Variants in EPHB1 observed in about 807,000 individuals in gnomAD.
EPHB1 encodes EPH receptor B1, also known as ephrin type-B receptor 1.
A neutral mutation model predicts 94.4 loss-of-function variants in EPHB1; 30 were observed. The ratio of observed to expected loss-of-function variants is 0.32; its 90% CI spans 0.24 to 0.43. The LOEUF (loss-of-function observed/expected upper bound fraction) is 0.43, where lower values mean the gene tolerates loss of function less well. Ranked by LOEUF, EPHB1 falls within the 20% of genes least tolerant of loss-of-function variation. EPHB1 has a pLI of 1.00. For synonymous variants in EPHB1, 522 were observed against 489.1 expected (o/e 1.07, Z -0.89); for missense variants, 1,055 against 1,308.3 (o/e 0.81, Z 2.99).
At chr3:135,242,164 C>G (rs1305390456) in intron 13 of EPHB1, among the ~76,000 whole-genome samples, 1 of 152,168 alleles carries the variant, frequency 6.6e-6, no homozygotes, top group Non-Finnish European at 1.5e-5. Context: ...GGGACCAGGC[C>G]TCTTTTGTGT....
intron 4 of EPHB1, among the ~76,000 whole-genome samples, chr3:135,131,364 T>C (rs1333478237): frequency 1.3e-5 from 2 of 152,210 alleles, no homozygotes; most frequent in Non-Finnish European, 2.9e-5. Flanking sequence ...CTTATTGTTA[T>C]TCCCTCATTT....
At chr3:134,972,905 G>T (rs756994022) in intron 3 of EPHB1, among the ~76,000 whole-genome samples, 19 of 152,184 alleles carry the variant, frequency 1.2e-4, no homozygotes, top group Non-Finnish European at 2.4e-4. Context: ...TTTGGACCTA[G>T]AGTCTGGGTG....
At chr3:135,137,895 T>C (rs1038350170) in intron 5 of EPHB1, among the ~76,000 whole-genome samples, 2 of 152,236 alleles carry the variant, frequency 1.3e-5, no homozygotes, top group Non-Finnish European at 2.9e-5. Context: ...ATAACAGATA[T>C]TGGTTTCTCC....
At chr3:134,882,677 CTTCT>C (rs2037758230) in intron 1 of EPHB1, among the ~76,000 whole-genome samples, 1 of 147,418 alleles carries the variant, frequency 6.8e-6, no homozygotes, top group Admixed American at 6.8e-5. Context: ...TCCTTCCTTC[CTTCT>C]TTCCTTCTTC....
intron 1 of EPHB1, among the ~76,000 whole-genome samples, chr3:134,917,758 C>A (rs2038603694): frequency 1.3e-5 from 2 of 152,264 alleles, no homozygotes; most frequent in African/African-American, 4.8e-5. Context: ...TGTTTCTTCT[C>A]TTCCTCACTG....
chr3:134,860,513 A>G (rs2037231029), intron 1 of EPHB1, among the ~76,000 whole-genome samples: 1 of 152,064 alleles, frequency 6.6e-6, no homozygotes, highest in African/African-American at 2.4e-5. Flanking sequence ...TCCACTTTAC[A>G]CTTTAAAAAA....
Position 135,248,313 on chromosome 3 carries a change from C to T in EPHB1, c.2497-3C>T. 1.9e-6 allele frequency: 3 copies of T among 1,577,768 alleles called. No individual in the cohort carries two copies. The South Asian group carries it at 3.4e-5, about 18-fold the overall frequency. ...CACACCTGTTCCCTGTATGTCACTG[C>T]AGGTCATCAATGCCATCGAGCAGGA... On this transcript the variant is annotated splice_region_variant and splice_polypyrimidine_tract_variant and intron_variant, in intron 13 of 15. Coordinates refer to ENST00000398015, the MANE Select transcript of EPHB1 (RefSeq NM_004441.5).
rs75018119 is a variant in EPHB1 at position 134,891,915 on chromosome 3, C to G, written c.59-33901C>G. Among the ~76,000 whole-genome samples the G allele has an allele frequency of 3.4e-4, 52 of 152,306 alleles. 2 individuals carry two copies. In the East Asian group the frequency reaches 9.7e-3, roughly 28 times the overall value. On this transcript the variant is annotated intron_variant, in intron 1 of 15. Transcript: ENST00000398015. ...GCCATGTTAGATAGGAGGGAGTTTA[C>G]TCAGATTCCTTGGGAATGACCATAG...
chr3:134,850,903 G>T (rs2036968247), intron 1 of EPHB1, among the ~76,000 whole-genome samples: 2 of 152,252 alleles, frequency 1.3e-5, no homozygotes, highest in African/African-American at 4.8e-5. Context: ...GAGCCAGGGG[G>T]GCATTCATCT....
chr3:134,946,741 A>T (rs977750266), intron 2 of EPHB1, among the ~76,000 whole-genome samples: 1 of 152,164 alleles, frequency 6.6e-6, no homozygotes, highest in African/African-American at 2.4e-5. Context: ...GTGGTTTAAA[A>T]GAACCTGGCA....
intron 2 of EPHB1, among the ~76,000 whole-genome samples, chr3:134,935,182 G>A (rs950742501): frequency 9.2e-5 from 14 of 152,228 alleles, no homozygotes; most frequent in Non-Finnish European, 2.1e-4. Context: ...GGTCAGCATT[G>A]CCCTGACAGC....
chr3:134,958,982 T>C (rs1933395002), intron 3 of EPHB1, among the ~76,000 whole-genome samples: 1 of 152,118 alleles, frequency 6.6e-6, no homozygotes, highest in South Asian at 2.1e-4. Flanking sequence ...TAATCCTGAG[T>C]CTTCCAGGCC....
chr3:135,006,652 A>G (rs1424910260), intron 3 of EPHB1, among the ~76,000 whole-genome samples: 1 of 152,220 alleles, frequency 6.6e-6, no homozygotes, highest in Non-Finnish European at 1.5e-5. Context: ...CAACATAGTG[A>G]GACACTGTTT....
chr3:134,815,513 G>A (rs1397556718), intron 1 of EPHB1, among the ~76,000 whole-genome samples: 1 of 152,182 alleles, frequency 6.6e-6, no homozygotes, highest in Admixed American at 6.5e-5. Flanking sequence ...TTAAAAATTG[G>A]TGAATCAGGG....
chr3:134,916,842 G>A (rs779674551), intron 1 of EPHB1, among the ~76,000 whole-genome samples: 40 of 152,228 alleles, frequency 2.6e-4, no homozygotes, highest in Admixed American at 3.9e-4. Context: ...CTCCTCAAGC[G>A]CGGCCAGAAT....
At chr3:135,232,807 T>C (rs1269045328) in intron 12 of EPHB1, among the ~76,000 whole-genome samples, 1 of 152,100 alleles carries the variant, frequency 6.6e-6, no homozygotes. Context: ...ACAATCATGG[T>C]GGAAGGGGAA....
intron 1 of EPHB1, among the ~76,000 whole-genome samples, chr3:134,848,040 A>C (rs1578134054): frequency 6.6e-6 from 1 of 152,152 alleles, no homozygotes. Context: ...GTATTTTCTG[A>C]TGCCTCAGTT....
intron 3 of EPHB1, among the ~76,000 whole-genome samples, chr3:135,046,427 A>T (rs1248476311): frequency 6.6e-6 from 1 of 152,166 alleles, no homozygotes; most frequent in Non-Finnish European, 1.5e-5. Flanking sequence ...TAAATATTTA[A>T]TGAATGGGAT....
chr3:135,102,508 C>T (rs986300252), intron 3 of EPHB1, among the ~76,000 whole-genome samples: 1 of 152,148 alleles, frequency 6.6e-6, no homozygotes, highest in African/African-American at 2.4e-5. Flanking sequence ...ATTAATGGCA[C>T]CTGATACAAG....
Sources: allele counts gnomAD v4.1 joint callset (sites outside exome capture counted in the v4.1 genomes callset), GRCh38; gene constraint gnomAD v4.1.1; transcripts MANE v1.5; gene names NCBI Gene and HGNC (gene_info 2026-07-23, HGNC 2026-07-21).